Variants in KDM4B observed in about 807,000 individuals in gnomAD.
KDM4B encodes the protein lysine-specific demethylase 4B.
A neutral mutation model predicts 125.2 loss-of-function variants in KDM4B; 32 were observed. The observed-to-expected ratio is 0.26, with a 90% CI of 0.19 to 0.34. The LOEUF is 0.34. Ranked by LOEUF, KDM4B falls within the 10% of genes least tolerant of loss-of-function variation. The pLI, the probability that KDM4B is intolerant of heterozygous loss-of-function variation, is 1.00. For missense variants in KDM4B, 1,190 were observed against 1,577.7 expected, an observed-to-expected ratio of 0.75 and a Z score of 4.16; for synonymous variants, 721 against 677.9, an observed-to-expected ratio of 1.06 and a Z score of -0.99.
chr19:5,067,074 G>A (rs1021759986), intron 6 of KDM4B, among the ~76,000 whole-genome samples: 3 of 152,142 alleles, frequency 2.0e-5, no homozygotes, highest in Non-Finnish European at 2.9e-5. Context: ...TGCACCTGAG[G>A]GACCTGTGCA....
rs1463479715 is a variant in KDM4B at position 5,055,545 on chromosome 19, AGATGGTGGCCGT to A, written c.626+7882_626+7893del. On this transcript the variant is annotated intron_variant, in intron 6 of 22. Transcript: ENST00000159111. ...GGGAAACTGGCTTCTTGGTGAGCAG[AGATGGTGGCCGT>A]GATGGGGGCCGGGTGGGCACCCCGC... is the stretch of plus-strand genomic sequence containing the variant. Among the ~76,000 whole-genome samples the A allele has an allele frequency of 3.3e-5, 5 of 151,894 alleles. No individual in the cohort carries two copies. In the East Asian group the frequency reaches 9.7e-4, roughly 29 times the overall value.
chr19:5,065,451 A>G (rs2037738259), intron 6 of KDM4B, among the ~76,000 whole-genome samples: 1 of 152,362 alleles, frequency 6.6e-6, no homozygotes, highest in South Asian at 2.1e-4. Context: ...ATTATATTCA[A>G]AAATGCTGTT....
In KDM4B at chr19:5,084,521, TTA is replaced by T. The variant is rs1364076045; in HGVS notation, c.918+2023_918+2024del. Among the ~76,000 whole-genome samples the T allele has an allele frequency of 4.3e-3, 252 of 57,934 alleles. 1 individual carries two copies. The highest frequency in any genetic ancestry group is 5.7e-3 in the Non-Finnish European group (180 of 31,776). The allele number at this position is 57,934 out of a possible 152,430, so 38.0% of individuals were successfully genotyped here. ...TTTATATATTATATATAAATATAAA[TTA>T]TATATGTTATTTATATATTATATAT... On this transcript the variant is annotated intron_variant, in intron 9 of 22. Coordinates refer to ENST00000159111, the MANE Select transcript of KDM4B (RefSeq NM_015015.3).
intron 11 of KDM4B, among the ~76,000 whole-genome samples, chr19:5,126,536 G>C (rs140234578): frequency 2.6e-4 from 39 of 152,368 alleles, no homozygotes; most frequent in African/African-American, 9.1e-4. Flanking sequence ...AAAGGCTGCG[G>C]TGAGTGGGGC....
intron 1 of KDM4B, among the ~76,000 whole-genome samples, chr19:5,002,049 G>A (rs2035403850): frequency 6.6e-6 from 1 of 151,166 alleles, no homozygotes; most frequent in Non-Finnish European, 1.5e-5. Context: ...CCAGGCTGGA[G>A]TGCAGTGGCA....
chr19:5,081,851 G>T lies in KDM4B; in HGVS notation c.781-516G>T, dbSNP rs186307859. Among the ~76,000 whole-genome samples, 2 of 152,176 alleles carry T rather than the reference G, an allele frequency of 1.3e-5. No individual in the cohort carries two copies. The highest frequency in any genetic ancestry group is 4.8e-5 in the African/African-American group (2 of 41,436). On this transcript the variant is annotated intron_variant, in intron 8 of 22. Transcript: ENST00000159111. This position sits in a 1 kb window ranked among gnomAD's most constrained non-coding sequence, Gnocchi z 4.2. ...TGCGAGGGCAGAAGGTGTCCTGAGC[G>T]CGTGCAGTGTCTTGTCTTCAGAGCA...
rs1247150624 is a variant in KDM4B at position 5,081,744 on chromosome 19, A to C, written c.781-623A>C. 6.6e-6 allele frequency among the ~76,000 whole-genome samples: 1 copy of C among 152,158 alleles called. No homozygotes were observed. Among genetic ancestry groups the C allele is most frequent in the East Asian group, 1.9e-4 (1 of 5,182 alleles). On this transcript the variant is annotated intron_variant, in intron 8 of 22. Coordinates refer to ENST00000159111, the MANE Select transcript of KDM4B (RefSeq NM_015015.3). This position sits in a 1 kb window ranked among gnomAD's most constrained non-coding sequence, Gnocchi z 4.2. The stretch of plus-strand genomic sequence containing the variant: ...ATGGAGATCCCCTTGTTGAGATACA[A>C]TTGAAAGATGGCTTGGGATGGCGGC...
At chr19:5,022,944 T>C (rs1053330394) in intron 2 of KDM4B, among the ~76,000 whole-genome samples, 2 of 152,126 alleles carry the variant, frequency 1.3e-5, no homozygotes, top group Admixed American at 1.3e-4. Context: ...CACATGGCAG[T>C]CGTGGTGGAC....
chr19:5,110,236 T>G (rs555332645), intron 9 of KDM4B, among the ~76,000 whole-genome samples: 3 of 152,202 alleles, frequency 2.0e-5, no homozygotes, highest in South Asian at 2.1e-4. Flanking sequence ...TTTGGGAGAC[T>G]GAGGCAAGAG....
intron 1 of KDM4B, among the ~76,000 whole-genome samples, chr19:4,977,170 C>T (rs1316016638): frequency 2.0e-5 from 3 of 152,162 alleles, no homozygotes; most frequent in East Asian, 1.9e-4. Context: ...GACAAGTTTG[C>T]GTCCAGCCAT....
chr19:4,973,313 C>T (rs907524546), intron 1 of KDM4B, among the ~76,000 whole-genome samples: 3 of 152,126 alleles, frequency 2.0e-5, no homozygotes, highest in East Asian at 1.9e-4. Context: ...CTCAGCCTCC[C>T]GAGTAGCTGG....
At chr19:5,122,797 A>G (rs555325462) in intron 11 of KDM4B, among the ~76,000 whole-genome samples, 2 of 152,360 alleles carry the variant, frequency 1.3e-5, no homozygotes, top group South Asian at 4.1e-4. Context: ...CTGCTCTGGG[A>G]AGCGCTGCAG....
chr19:5,117,978 G>A (rs1026219563), intron 10 of KDM4B, among the ~76,000 whole-genome samples: 5 of 152,176 alleles, frequency 3.3e-5, no homozygotes, highest in Non-Finnish European at 4.4e-5. Context: ...TGGAGGAGGC[G>A]CCCCAGAAGC....
Position 5,047,514 on chromosome 19 carries a change from C to G in KDM4B, c.471C>G (p.Ile157Met). Residue 157 changes from isoleucine to methionine, a missense_variant, in exon 6 of 23, where the codon ATC becomes ATG. Physicochemically the swap from Ile to Met is conservative, Grantham distance 10. Transcript: ENST00000159111. ...AQWNIGSLRT[I>M]LDMVERECGT... Reference sequence around the variant, plus strand: ...GGAACATCGGGAGCCTCCGGACCATCCTGGACATGGTGGAGCGCGAGTGCG... The same window carrying G: ...GGAACATCGGGAGCCTCCGGACCATGCTGGACATGGTGGAGCGCGAGTGCG... The G allele has an allele frequency of 6.2e-7, 1 of 1,613,538 alleles. No individual in the cohort carries two copies. Among genetic ancestry groups the G allele is most frequent in the Non-Finnish European group, 8.5e-7 (1 of 1,179,732 alleles).
rs554731727 is a variant in KDM4B at position 4,986,386 on chromosome 19, C to T, written c.-109+17156C>T. Among the ~76,000 whole-genome samples the T allele has an allele frequency of 8.5e-5, 13 of 152,286 alleles. No individual in the cohort carries two copies. In the South Asian group the frequency reaches 2.5e-3, roughly 29 times the overall value. On this transcript the variant is annotated intron_variant, in intron 1 of 22. Transcript: ENST00000159111. ...GAGTAAACGGGTGATGGCCACTGAG[C>T]GCTGGCCGTGGGGACTCTTGGTCCT...
intron 9 of KDM4B, among the ~76,000 whole-genome samples, chr19:5,104,237 C>T (rs566997737): frequency 1.3e-5 from 2 of 152,256 alleles, no homozygotes; most frequent in African/African-American, 2.4e-5. Flanking sequence ...GGGCACCTGC[C>T]CCTTTCTGCT....
Position 5,130,102 on chromosome 19 carries a change from C to T in KDM4B, c.1316-974C>T, listed in dbSNP as rs1243001146. Among the ~76,000 whole-genome samples, 3 of 152,188 alleles carry T rather than the reference C, an allele frequency of 2.0e-5. No individual in the cohort carries two copies. The East Asian group carries it at 5.8e-4, about 29-fold the overall frequency. ...CTCTCCCTTCACAGGCACAGCGCAG[C>T]CTCTTCCAGTCTCTCTCTGACTCTC... On this transcript the variant is annotated intron_variant, in intron 11 of 22. Transcript: ENST00000159111.
At chr19:5,006,175 A>G (rs1423147476) in intron 1 of KDM4B, among the ~76,000 whole-genome samples, 1 of 151,888 alleles carries the variant, frequency 6.6e-6, no homozygotes, top group East Asian at 1.9e-4. Flanking sequence ...TGCCCTCTTC[A>G]TGCCTGGCTC....
At chr19:5,147,718 G>A (rs549493398) in intron 21 of KDM4B, among the ~76,000 whole-genome samples, 6 of 150,016 alleles carry the variant, frequency 4.0e-5, no homozygotes, top group South Asian at 4.2e-4. Context: ...ACTCCAACCC[G>A]GGTGATGAAA....
Sources: allele counts gnomAD v4.1 joint callset (sites outside exome capture counted in the v4.1 genomes callset), GRCh38; gene constraint gnomAD v4.1.1; non-coding constraint Gnocchi (gnomAD v3.1); transcripts MANE v1.5; gene names NCBI Gene and HGNC (gene_info 2026-07-23, HGNC 2026-07-21).